PRKX: variants seen among roughly 807,000 people sequenced by gnomAD.
The protein encoded by PRKX is protein kinase cAMP-dependent X-linked catalytic subunit, also known as cAMP-dependent protein kinase catalytic subunit PRKX.
PRKX carries 12 observed loss-of-function variants against 22.0 expected under a neutral mutation model. The observed-to-expected ratio is 0.54, with a 90% CI of 0.35 to 0.88. The LOEUF (loss-of-function observed/expected upper bound fraction) is 0.88. Ranked by LOEUF, PRKX falls within the 40% of genes least tolerant of loss-of-function variation. The pLI, the probability that PRKX is intolerant of heterozygous loss-of-function variation, is 0.01. For synonymous variants in PRKX, 134 were observed against 137.7 expected (o/e 0.97, Z 0.19); for missense variants, 217 against 308.0 (o/e 0.70, Z 2.21).
chrX:3,674,985 AAGAGGGAGAG>A (rs973237872), intron 1 of PRKX, among the ~76,000 whole-genome samples: 1 of 111,463 alleles, frequency 9.0e-6, no homozygotes, highest in African/African-American at 3.3e-5. Flanking sequence ...CAGAGAGAGA[AAGAGGGAGAG>A]AGAGGGAGAC....
chrX:3,627,677 T>G (rs1926689784), intron 4 of PRKX, among the ~76,000 whole-genome samples: 1 of 110,150 alleles, frequency 9.1e-6, no homozygotes, highest in East Asian at 2.9e-4. Context: ...TTGCCTAGGC[T>G]GGTCTTGAAG....
rs1343451192 is a variant in PRKX at position 3,613,879 on chromosome X, AAGAAG to A, written c.952-1559_952-1555del. The stretch of plus-strand genomic sequence containing the variant: ...CAAAAAAAAAAAAAAAAAAAAAAAA[AAGAAG>A]CGTATCATCCCAGGCTCCAGCCCCA... On this transcript the variant is annotated intron_variant, in intron 7 of 8. Transcript: ENST00000262848. 9.1e-5 allele frequency among the ~76,000 whole-genome samples: 9 copies of A among 98,610 alleles called. 1 individual carries two copies. Among genetic ancestry groups the A allele is most frequent in the South Asian group, 9.8e-4 (2 of 2,031 alleles). 85.6% of individuals were successfully genotyped at this position (98,610 alleles called of 115,157 possible).
At chrX:3,692,790 G>A (rs1318357639) in intron 1 of PRKX, among the ~76,000 whole-genome samples, 1 of 111,373 alleles carries the variant, frequency 9.0e-6, no homozygotes, top group Non-Finnish European at 1.9e-5. Flanking sequence ...GCCTCCCAAA[G>A]TGCTGGGATT....
intron 1 of PRKX, among the ~76,000 whole-genome samples, chrX:3,694,739 G>T (rs1229424511): frequency 3.6e-5 from 4 of 110,992 alleles, no homozygotes; most frequent in African/African-American, 1.3e-4. Context: ...CGCTGGAAAA[G>T]GGTGGGCCCT....
rs759695872 is a variant in PRKX, at chrX:3,636,384, G to A, written c.719+5468C>T. Reference sequence around the variant, plus strand: ...TCAAGGAGGTGAGGAGAGCAGCTTGGGAGCATTGCTCTCAGAGGCAGTCAA... The same window carrying A: ...TCAAGGAGGTGAGGAGAGCAGCTTGAGAGCATTGCTCTCAGAGGCAGTCAA... On this transcript the variant is annotated intron_variant, in intron 4 of 8. Coordinates refer to ENST00000262848, the MANE Select transcript of PRKX (RefSeq NM_005044.5). Among the ~76,000 whole-genome samples the A allele has an allele frequency of 8.3e-4, 94 of 112,774 alleles. 1 individual carries two copies. Among genetic ancestry groups the A allele is most frequent in the Middle Eastern group, 4.6e-3 (1 of 217 alleles).
intron 2 of PRKX, among the ~76,000 whole-genome samples, chrX:3,657,268 T>C (rs1259401363): frequency 9.0e-6 from 1 of 111,173 alleles, no homozygotes; most frequent in Non-Finnish European, 1.9e-5. Context: ...CCACTGTATT[T>C]GGAGACAGGT....
At chrX:3,616,588 G>A (rs1457207162) in intron 6 of PRKX, among the ~76,000 whole-genome samples, 1 of 111,845 alleles carries the variant, frequency 8.9e-6, no homozygotes, top group East Asian at 2.8e-4. Context: ...AGAAATAAAC[G>A]TAGGTTCCAT....
At chrX:3,633,299 G>A (rs1234502297) in intron 4 of PRKX, among the ~76,000 whole-genome samples, 1 of 108,606 alleles carries the variant, frequency 9.2e-6, no homozygotes, top group African/African-American at 3.3e-5. Context: ...AGTGGCTCAC[G>A]GCTGTCATCC....
At chrX:3,636,134 G>T (rs1207512571) in intron 4 of PRKX, among the ~76,000 whole-genome samples, 1 of 112,367 alleles carries the variant, frequency 8.9e-6, no homozygotes, top group Non-Finnish European at 1.9e-5. Flanking sequence ...CAAATAGATG[G>T]TTTTCCCTGT....
chrX:3,634,266 A>G (rs1396337819), intron 4 of PRKX, among the ~76,000 whole-genome samples: 7 of 110,102 alleles, frequency 6.4e-5, no homozygotes. Context: ...AAAAATAATA[A>G]TAATTAATAA....
At chrX:3,670,615 G>C (rs1927828092) in intron 2 of PRKX, among the ~76,000 whole-genome samples, 1 of 110,265 alleles carries the variant, frequency 9.1e-6, no homozygotes, top group Admixed American at 9.7e-5. Context: ...GCACAATCTC[G>C]GCTCACTGCA....
chrX:3,702,843 G>A (rs1252410492), intron 1 of PRKX, among the ~76,000 whole-genome samples: 1 of 108,943 alleles, frequency 9.2e-6, no homozygotes, highest in Non-Finnish European at 1.9e-5. Flanking sequence ...ACAGGCATGC[G>A]TCCCCATGCG....
rs1370147970 is a variant in PRKX at position 3,699,042 on chromosome X, TA to T, written c.166+14045del. Among the ~76,000 whole-genome samples, 88 of 104,783 alleles carry T rather than the reference TA, an allele frequency of 8.4e-4. 1 individual carries two copies. In the East Asian group the frequency reaches 0.019, roughly 23 times the overall value. The allele number at this position is 104,783 out of a possible 115,157, so 91.0% of individuals were successfully genotyped here. A position where few individuals can be genotyped will look rare whatever the true frequency, so the allele number is the denominator to read the frequency against. On this transcript the variant is annotated intron_variant, in intron 1 of 8. Coordinates refer to ENST00000262848, the MANE Select transcript of PRKX (RefSeq NM_005044.5). Reference sequence around the variant, plus strand: ...CACCACGCCCAGCTAATTTTTATTTTATTTTTTTTTTTGAGACAGAGTGTCA... The same window carrying T: ...CACCACGCCCAGCTAATTTTTATTTTTTTTTTTTTTTGAGACAGAGTGTCA...
At chrX:3,628,331 T>C (rs758702786) in intron 4 of PRKX, among the ~76,000 whole-genome samples, 4 of 111,200 alleles carry the variant, frequency 3.6e-5, no homozygotes, top group South Asian at 7.6e-4. Context: ...CAGTGTTCTA[T>C]AGTCTTGTAG....
At chrX:3,621,419 A>G in intron 5 of PRKX, 103 bp from the exon 6 acceptor site, 3 of 723,564 alleles carry the variant, frequency 4.1e-6, no homozygotes, top group Non-Finnish European at 6.1e-6. Context: ...TGACATGAGG[A>G]CCGCAGTTCA....
chrX:3,634,983 C>T (rs762518212), intron 4 of PRKX, among the ~76,000 whole-genome samples: 2 of 112,464 alleles, frequency 1.8e-5, no homozygotes, highest in Non-Finnish European at 3.8e-5. Context: ...GGATTACAGG[C>T]GTGAGCCACC....
At chrX:3,672,809 G>A (rs1170181017) in intron 2 of PRKX, among the ~76,000 whole-genome samples, 1 of 111,158 alleles carries the variant, frequency 9.0e-6, no homozygotes, top group Admixed American at 9.7e-5. Flanking sequence ...CTTCAGGCCA[G>A]GAGTTTGAGA....
intron 3 of PRKX, among the ~76,000 whole-genome samples, chrX:3,648,817 G>A (rs1385073925): frequency 9.1e-6 from 1 of 110,351 alleles, no homozygotes; most frequent in East Asian, 2.8e-4. Flanking sequence ...GGTGGCTCAC[G>A]GCTACCATCC....
intron 1 of PRKX, among the ~76,000 whole-genome samples, chrX:3,695,101 T>C (rs1928418886): frequency 9.0e-6 from 1 of 111,442 alleles, no homozygotes; most frequent in South Asian, 3.8e-4. Context: ...CGGGCAGTAG[T>C]TGGCAATGCA....
Sources: allele counts gnomAD v4.1 joint callset (sites outside exome capture counted in the v4.1 genomes callset), GRCh38; gene constraint gnomAD v4.1.1; transcripts MANE v1.5; gene names NCBI Gene and HGNC (gene_info 2026-07-23, HGNC 2026-07-21).